The following UBE2D2 variants were observed in gnomAD, a reference collection of about 807,000 sequenced individuals.
UBE2D2 encodes the protein ubiquitin-conjugating enzyme E2 D2.
UBE2D2 carries 2 observed loss-of-function variants against 24.2 expected under a neutral mutation model. The observed-to-expected ratio is 0.08, with a 90% CI of 0.03 to 0.26. The LOEUF (loss-of-function observed/expected upper bound fraction) is 0.26. UBE2D2 is among the 10% of genes least tolerant of loss of function. UBE2D2 has a pLI of 1.00. For synonymous variants in UBE2D2, 58 were observed against 56.5 expected, an observed-to-expected ratio of 1.03 and a Z score of -0.12; for missense variants, 44 against 177.6, an observed-to-expected ratio of 0.25 and a Z score of 4.28.
chr5:139,546,565 C>T (rs998884738), intron 1 of UBE2D2, among the ~76,000 whole-genome samples: 2 of 151,722 alleles, frequency 1.3e-5, no homozygotes, highest in Non-Finnish European at 2.9e-5. Flanking sequence ...TCACTGTAAC[C>T]GCCACTTCCC....
chr5:139,546,553 G>C (rs963943870), intron 1 of UBE2D2, among the ~76,000 whole-genome samples: 3 of 150,916 alleles, frequency 2.0e-5, no homozygotes, highest in Admixed American at 6.6e-5. Flanking sequence ...TGAGATCTCA[G>C]CTCACTGTAA....
At chr5:139,601,328 G>A (rs916866880) in intron 2 of UBE2D2, among the ~76,000 whole-genome samples, 10 of 152,150 alleles carry the variant, frequency 6.6e-5, no homozygotes, top group Admixed American at 2.0e-4. Context: ...ATTTGGTTGG[G>A]TGTGATGGCT....
intron 5 of UBE2D2, among the ~76,000 whole-genome samples, chr5:139,619,965 G>A (rs1754484038): frequency 6.6e-6 from 1 of 152,172 alleles, no homozygotes; most frequent in Non-Finnish European, 1.5e-5. Context: ...ACTCATGGCA[G>A]AAGGCAAAGG....
chr5:139,573,633 A>G (rs1207708173), intron 1 of UBE2D2, among the ~76,000 whole-genome samples: 1 of 152,056 alleles, frequency 6.6e-6, no homozygotes, highest in African/African-American at 2.4e-5. Context: ...AAATAATACG[A>G]CTACTTGGGC....
chr5:139,529,372 C>T (rs1174319091), intron 1 of UBE2D2, among the ~76,000 whole-genome samples: 1 of 152,022 alleles, frequency 6.6e-6, no homozygotes, highest in Admixed American at 6.5e-5. Flanking sequence ...AATTTGATGC[C>T]TGTGCTGCTA....
intron 5 of UBE2D2, 77 bp from the exon 6 acceptor site, chr5:139,623,291 C>T (rs939442856): frequency 2.4e-5 from 24 of 1,020,360 alleles, no homozygotes; most frequent in African/African-American, 1.9e-4. Context: ...AGAATTTTCT[C>T]ATGTTTTGGC....
Position 139,626,823 on chromosome 5 carries a change from C to T in UBE2D2, c.*22C>T. On this transcript the variant is annotated 3_prime_UTR_variant, in exon 7 of 7. Transcript: ENST00000398733. ...GTAATTAAAGAAATTATTGGATAAC[C>T]TCTACAAATAAAGATAGGGGAACTC... The T allele has an allele frequency of 6.2e-7, 1 of 1,601,796 alleles. No individual in the cohort carries two copies. Among genetic ancestry groups the T allele is most frequent in the Non-Finnish European group, 8.5e-7 (1 of 1,171,726 alleles).
chr5:139,586,764 C>CA (rs202003854), intron 1 of UBE2D2, among the ~76,000 whole-genome samples: 106 of 138,814 alleles, frequency 7.6e-4, no homozygotes, highest in African/African-American at 1.4e-3. Flanking sequence ...GACTCCGTCT[C>CA]AAAAAAAAAA....
chr5:139,620,521 T>C (rs553130383), intron 5 of UBE2D2, among the ~76,000 whole-genome samples: 7 of 152,298 alleles, frequency 4.6e-5, no homozygotes, highest in Non-Finnish European at 8.8e-5. Context: ...CACCTGACAA[T>C]AGGAAAATGT....
At chr5:139,555,677 A>C (rs1332396472) in intron 1 of UBE2D2, among the ~76,000 whole-genome samples, 2 of 152,130 alleles carry the variant, frequency 1.3e-5, no homozygotes, top group African/African-American at 4.8e-5. Flanking sequence ...CTGTAATCCC[A>C]GCACTTTGGG....
intron 1 of UBE2D2, among the ~76,000 whole-genome samples, chr5:139,535,962 G>A (rs1337956137): frequency 1.3e-5 from 2 of 150,850 alleles, no homozygotes; most frequent in Admixed American, 6.6e-5. Context: ...GCGTGATCTC[G>A]GCTCACTGCA....
intron 1 of UBE2D2, among the ~76,000 whole-genome samples, chr5:139,584,886 G>A: frequency 7.0e-6 from 1 of 142,738 alleles, no homozygotes; most frequent in African/African-American, 2.6e-5. Context: ...TATTGTGTAT[G>A]TCACTATAAA....
intron 1 of UBE2D2, among the ~76,000 whole-genome samples, chr5:139,591,116 TTC>T (rs1156743558): frequency 1.4e-5 from 2 of 144,056 alleles, no homozygotes; most frequent in Non-Finnish European, 3.0e-5. Flanking sequence ...TATTTTCTTT[TTC>T]TCTCTCTCTT....
At chr5:139,544,879 C>T (rs949260918) in intron 1 of UBE2D2, among the ~76,000 whole-genome samples, 1 of 151,568 alleles carries the variant, frequency 6.6e-6, no homozygotes, top group Non-Finnish European at 1.5e-5. Flanking sequence ...CAGGTTCAAG[C>T]GATTCTCCTG....
intron 5 of UBE2D2, among the ~76,000 whole-genome samples, chr5:139,623,048 A>G (rs1330636797): frequency 6.6e-6 from 1 of 151,894 alleles, no homozygotes; most frequent in Admixed American, 6.6e-5. Flanking sequence ...CTAAAAATAC[A>G]AAAATTAGGC....
intron 2 of UBE2D2, among the ~76,000 whole-genome samples, chr5:139,603,314 T>G (rs1051909125): frequency 2.0e-5 from 3 of 152,156 alleles, no homozygotes; most frequent in Admixed American, 6.6e-5. Context: ...TACATTTCTT[T>G]CTCAGGTTGA....
Position 139,627,023 on chromosome 5 carries a change from G to A in UBE2D2, c.*222G>A, listed in dbSNP as rs1754646655. On this transcript the variant is annotated 3_prime_UTR_variant, in exon 7 of 7. Coordinates refer to ENST00000398733, the MANE Select transcript of UBE2D2 (RefSeq NM_003339.3). ...ACATTGCCTCCTAGCAGAGAAGTGT[G>A]TGTGTGACAAGCCAGTTCTACAGGC... 2 of 494,542 alleles carry A rather than the reference G, an allele frequency of 4.0e-6. No individual in the cohort carries two copies. The highest frequency in any genetic ancestry group is 4.8e-5 in the South Asian group (2 of 41,580). 30.6% of individuals were successfully genotyped at this position (494,542 alleles called of 1,614,324 possible).
At chr5:139,532,328 G>A (rs930175998) in intron 1 of UBE2D2, among the ~76,000 whole-genome samples, 3 of 148,800 alleles carry the variant, frequency 2.0e-5, no homozygotes, top group African/African-American at 7.4e-5. Flanking sequence ...ACAGGCGCCT[G>A]CAACAACTCC....
intron 5 of UBE2D2, 26 bp downstream of exon 5, chr5:139,614,992 A>T: frequency 6.4e-7 from 1 of 1,566,442 alleles, no homozygotes; most frequent in Non-Finnish European, 8.7e-7. Context: ...TGATATCAAG[A>T]TAAAGCAACC....
Sources: allele counts gnomAD v4.1 joint callset (sites outside exome capture counted in the v4.1 genomes callset), GRCh38; gene constraint gnomAD v4.1.1; transcripts MANE v1.5; gene names NCBI Gene and HGNC (gene_info 2026-07-23, HGNC 2026-07-21).